Variants in MACROD2 observed in about 807,000 individuals in gnomAD.
The protein encoded by MACROD2 is ADP-ribose glycohydrolase MACROD2.
MACROD2 carries 36 observed loss-of-function variants against 70.4 expected under a neutral mutation model. The observed-to-expected ratio is 0.51, with a 90% CI of 0.39 to 0.68. The LOEUF is 0.68. MACROD2 is among the 30% of genes least tolerant of loss of function. MACROD2 has a pLI of 0.00. For synonymous variants in MACROD2, 172 were observed against 178.8 expected (o/e 0.96, Z 0.30); for missense variants, 496 against 538.4 (o/e 0.92, Z 0.78).
At chr20:15,643,228 C>G (rs2049489521) in intron 8 of MACROD2, among the ~76,000 whole-genome samples, 1 of 152,166 alleles carries the variant, frequency 6.6e-6, no homozygotes, top group Non-Finnish European at 1.5e-5. Context: ...TACCCTCAAC[C>G]TTGTTCCCCA....
At chr20:14,958,816 G>A (rs1393078405) in intron 5 of MACROD2, among the ~76,000 whole-genome samples, 2 of 152,056 alleles carry the variant, frequency 1.3e-5, no homozygotes, top group East Asian at 1.9e-4. Context: ...AGATAACTGG[G>A]CCCCACCCTT....
intron 3 of MACROD2, among the ~76,000 whole-genome samples, chr20:14,417,089 C>G (rs1033176112): frequency 1.4e-4 from 21 of 145,012 alleles, no homozygotes; most frequent in Admixed American, 1.3e-3. Context: ...ATCTATCTAT[C>G]TATCTATCTA....
At chr20:14,549,280 T>G (rs1205425939) in intron 4 of MACROD2, among the ~76,000 whole-genome samples, 1 of 152,180 alleles carries the variant, frequency 6.6e-6, no homozygotes, top group Non-Finnish European at 1.5e-5. Context: ...AGGTAGTTTC[T>G]TCATATGTTC....
At chr20:14,427,009 A>G (rs2083941763) in intron 3 of MACROD2, among the ~76,000 whole-genome samples, 1 of 152,042 alleles carries the variant, frequency 6.6e-6, no homozygotes, top group Admixed American at 6.6e-5. Context: ...CTTCACCCTT[A>G]TCTTTGAAGT....
intron 5 of MACROD2, among the ~76,000 whole-genome samples, chr20:15,096,754 C>T (rs965766591): frequency 4.6e-5 from 7 of 151,260 alleles, no homozygotes; most frequent in South Asian, 4.2e-4. Flanking sequence ...TCAAGTAATC[C>T]GCCTGCCTCG....
chr20:16,042,655 T>C (rs185796566), intron 16 of MACROD2, among the ~76,000 whole-genome samples: 21 of 152,196 alleles, frequency 1.4e-4, no homozygotes, highest in African/African-American at 4.8e-4. Flanking sequence ...AATACTCTCC[T>C]GTATTTTATC....
At chr20:14,939,099 G>T (rs1233845309) in intron 5 of MACROD2, among the ~76,000 whole-genome samples, 1 of 151,752 alleles carries the variant, frequency 6.6e-6, no homozygotes, top group Non-Finnish European at 1.5e-5. Context: ...AGAATCTTTA[G>T]CTTGACGTAA....
rs1449587952 is a variant in MACROD2, at chr20:16,052,927, A to G, written c.*3051A>G. On this transcript the variant is annotated 3_prime_UTR_variant, in exon 18 of 18. Coordinates refer to ENST00000684519, the MANE Select transcript of MACROD2 (RefSeq NM_001351661.2). ...ATAAAGGAAAATCAGAAAAAAAGTA[A>G]TTTTCTTGATCAAGATATGTTTTTA... 2.0e-5 allele frequency: 3 copies of G among 152,526 alleles called. No homozygotes were observed. The highest frequency in any genetic ancestry group is 1.9e-4 in the East Asian group (1 of 5,188). 9.4% of individuals were successfully genotyped at this position (152,526 alleles called of 1,614,324 possible).
chr20:15,455,113 G>A (rs1228162646), intron 7 of MACROD2, among the ~76,000 whole-genome samples: 1 of 152,166 alleles, frequency 6.6e-6, no homozygotes, highest in African/African-American at 2.4e-5. Context: ...CCAACAGCGA[G>A]AATTACATCC....
At chr20:16,022,343 G>A (rs747516039) in intron 15 of MACROD2, among the ~76,000 whole-genome samples, 8 of 152,198 alleles carry the variant, frequency 5.3e-5, no homozygotes, top group African/African-American at 9.6e-5. Flanking sequence ...GAGCCACCGC[G>A]CCCAGCCTCA....
chr20:14,004,238 T>C (rs2052779264), intron 2 of MACROD2, among the ~76,000 whole-genome samples: 1 of 152,176 alleles, frequency 6.6e-6, no homozygotes, highest in South Asian at 2.1e-4. Flanking sequence ...GTTCCCCAAA[T>C]TAGAAAAGAA....
At chr20:14,807,678 G>A (rs1262587353) in intron 5 of MACROD2, among the ~76,000 whole-genome samples, 1 of 152,082 alleles carries the variant, frequency 6.6e-6, no homozygotes, top group Non-Finnish European at 1.5e-5. Flanking sequence ...CCAATGGAAG[G>A]AAGCTAAGAA....
chr20:14,746,901 C>T (rs192374597), intron 5 of MACROD2, among the ~76,000 whole-genome samples: 1 of 152,278 alleles, frequency 6.6e-6, no homozygotes, highest in East Asian at 1.9e-4. Flanking sequence ...GTTTCATTCT[C>T]ATTGCAGTCA....
At chr20:14,983,131 C>T (rs1021642231) in intron 5 of MACROD2, among the ~76,000 whole-genome samples, 2 of 152,178 alleles carry the variant, frequency 1.3e-5, no homozygotes, top group East Asian at 3.9e-4. Flanking sequence ...GGATTTCAGA[C>T]TTGCATGGGC....
At chr20:15,031,890 A>C (rs1162700794) in intron 5 of MACROD2, among the ~76,000 whole-genome samples, 1 of 151,654 alleles carries the variant, frequency 6.6e-6, no homozygotes, top group African/African-American at 2.4e-5. Context: ...TCTCCCCAGG[A>C]CCCTTTCTGC....
chr20:14,047,074 T>A (rs2053488913), intron 2 of MACROD2, among the ~76,000 whole-genome samples: 3 of 152,184 alleles, frequency 2.0e-5, no homozygotes, highest in Admixed American at 2.0e-4. Context: ...TATAATGTGA[T>A]ACTCACATGA....
At chr20:15,071,554 CA>C (rs2075619460) in intron 5 of MACROD2, among the ~76,000 whole-genome samples, 1 of 152,152 alleles carries the variant, frequency 6.6e-6, no homozygotes, top group Admixed American at 6.5e-5. Flanking sequence ...ATTTCACACT[CA>C]GTACTTTTTA....
In MACROD2 at chr20:15,959,828, G is replaced by A. The variant is rs890677544; in HGVS notation, c.908-7725G>A. 8.6e-5 allele frequency among the ~76,000 whole-genome samples: 13 copies of A among 151,882 alleles called. No homozygotes were observed. In the East Asian group the frequency reaches 1.2e-3, roughly 14 times the overall value. On this transcript the variant is annotated intron_variant, in intron 12 of 17. Transcript: ENST00000684519. ...ATTACAAGCATGAGCCACCATGCCCGGCCCAAACTTCTTAAAGTACTATTT... is the reference window on the plus strand; with the variant it reads ...ATTACAAGCATGAGCCACCATGCCCAGCCCAAACTTCTTAAAGTACTATTT...
chr20:15,887,297 T>G (rs1314789631), intron 10 of MACROD2, among the ~76,000 whole-genome samples: 4 of 152,162 alleles, frequency 2.6e-5, no homozygotes, highest in Non-Finnish European at 5.9e-5. Flanking sequence ...CTATCTACTC[T>G]TCTCCAGTCC....
Sources: gnomAD v4.1 joint callset for allele counts (sites outside exome capture counted in the v4.1 genomes callset) on GRCh38, gnomAD v4.1.1 for gene constraint, MANE v1.5 for transcripts, NCBI Gene and HGNC (gene_info 2026-07-23, HGNC 2026-07-21) for gene names.